SMCHD1: variants seen among roughly 807,000 people sequenced by gnomAD.
The protein encoded by SMCHD1 is structural maintenance of chromosomes flexible hinge domain-containing protein 1.
A neutral mutation model predicts 254.7 loss-of-function variants in SMCHD1; 78 were observed. The observed-to-expected ratio is 0.31, with a 90% CI of 0.26 to 0.37. The LOEUF (loss-of-function observed/expected upper bound fraction) is 0.37. SMCHD1 is among the 10% of genes least tolerant of loss of function. SMCHD1 has a pLI of 1.00. For synonymous variants in SMCHD1, 766 were observed against 794.9 expected, an observed-to-expected ratio of 0.96 and a Z score of 0.61; for missense variants, 1,840 against 2,408.1, an observed-to-expected ratio of 0.76 and a Z score of 4.94.
chr18:2,761,981 G>T, intron 35 of SMCHD1, 124 bp from the exon 36 acceptor site: 2 of 767,672 alleles, frequency 2.6e-6, no homozygotes, highest in Non-Finnish European at 4.0e-6. Flanking sequence ...AAGATTAATG[G>T]AAATAAATTT....
intron 22 of SMCHD1, chr18:2,726,839 T>C (rs2143441389): frequency 6.4e-6 from 1 of 157,016 alleles, no homozygotes; most frequent in South Asian, 2.0e-4. Context: ...TTGATAAAAC[T>C]GTTTCATATT....
At chr18:2,683,631 C>T (rs570063464) in intron 5 of SMCHD1, among the ~76,000 whole-genome samples, 4 of 152,114 alleles carry the variant, frequency 2.6e-5, no homozygotes, top group Non-Finnish European at 4.4e-5. Context: ...CAGTTAGATT[C>T]TACTGGTTGA....
intron 36 of SMCHD1, among the ~76,000 whole-genome samples, chr18:2,762,478 C>A (rs1166126453): frequency 5.4e-5 from 8 of 148,192 alleles, no homozygotes; most frequent in Non-Finnish European, 1.0e-4. Flanking sequence ...ATGCAGAAAT[C>A]TCAATCTGCC....
chr18:2,757,377 AT>A (rs201457405), intron 34 of SMCHD1, among the ~76,000 whole-genome samples: 10 of 148,476 alleles, frequency 6.7e-5, no homozygotes, highest in Admixed American at 2.7e-4. Flanking sequence ...CACCCAGCTA[AT>A]TTTTTTTTTT....
chr18:2,758,930 T>C (rs1404164690), intron 34 of SMCHD1, among the ~76,000 whole-genome samples: 2 of 152,186 alleles, frequency 1.3e-5, no homozygotes, highest in African/African-American at 4.8e-5. Flanking sequence ...GCCATTCTTT[T>C]ACCTCTCTTC....
In SMCHD1 at chr18:2,718,794, C is replaced by T. The variant is rs888415504; in HGVS notation, c.2458+360C>T. On this transcript the variant is annotated intron_variant, in intron 19 of 47. Transcript: ENST00000320876. This position sits in a 1 kb window ranked among gnomAD's most constrained non-coding sequence, Gnocchi z 4.6. ...TCTCGATCTCATAACTTCTGATGATCTACCTGCCTCAGCCTCCCAAAGTGC... is the reference window on the plus strand; with the variant it reads ...TCTCGATCTCATAACTTCTGATGATTTACCTGCCTCAGCCTCCCAAAGTGC... Among the ~76,000 whole-genome samples the T allele has an allele frequency of 6.6e-6, 1 of 152,098 alleles. No individual in the cohort carries two copies. Among genetic ancestry groups the T allele is most frequent in the East Asian group, 1.9e-4 (1 of 5,190 alleles).
chr18:2,666,544 C>T (rs1211584032), intron 2 of SMCHD1, among the ~76,000 whole-genome samples: 1 of 152,104 alleles, frequency 6.6e-6, no homozygotes, highest in Non-Finnish European at 1.5e-5. Context: ...ATTAGTTTTC[C>T]AAGACCTGCT....
chr18:2,701,307 C>T (rs1475928595), intron 12 of SMCHD1: 4 of 155,282 alleles, frequency 2.6e-5, no homozygotes, highest in Middle Eastern at 3.3e-3. Context: ...ACTACAGGTG[C>T]GTGCCACCAC....
intron 17 of SMCHD1, among the ~76,000 whole-genome samples, chr18:2,712,519 A>G (rs1568210260): frequency 2.0e-5 from 3 of 152,086 alleles, no homozygotes. Context: ...GGGATTTGAA[A>G]CCCACATAAA....
intron 5 of SMCHD1, among the ~76,000 whole-genome samples, chr18:2,675,655 T>C (rs897748771): frequency 2.0e-5 from 3 of 152,150 alleles, no homozygotes; most frequent in Non-Finnish European, 4.4e-5. Context: ...CAAAGACCAC[T>C]GTCTTTGATA....
At chr18:2,724,344 T>G (rs1001387380) in intron 20 of SMCHD1, among the ~76,000 whole-genome samples, 6 of 152,018 alleles carry the variant, frequency 3.9e-5, no homozygotes, top group African/African-American at 9.7e-5. Flanking sequence ...AAATTAGCTT[T>G]GGAATCAGCT....
intron 22 of SMCHD1, 131 bp downstream of exon 22, chr18:2,726,655 A>G (rs765360648): frequency 2.6e-6 from 1 of 384,518 alleles, no homozygotes; most frequent in Non-Finnish European, 4.6e-6. Context: ...ATGTCAAACC[A>G]TAGCACTGAC....
rs944154303 is a variant in SMCHD1, at chr18:2,796,781, C to CT, written c.5993+261dup. On this transcript the variant is annotated intron_variant, in intron 47 of 47. Transcript: ENST00000320876. ...ATTTTTTTGTAGAGATGGGGTTTCA[C>CT]TGTGTTGGCCAGGCTAATCTCAAAC... 9.0e-5 allele frequency: 33 copies of CT among 368,466 alleles called. 1 individual carries two copies. The Middle Eastern group carries it at 3.1e-3, about 35-fold the overall frequency. 22.8% of individuals were successfully genotyped at this position (368,466 alleles called of 1,614,324 possible).
intron 41 of SMCHD1, among the ~76,000 whole-genome samples, chr18:2,772,889 GGTT>G (rs1282284622): frequency 5.3e-5 from 8 of 152,226 alleles, no homozygotes; most frequent in Non-Finnish European, 1.0e-4. Flanking sequence ...TGGAGTCTTT[GGTT>G]ATTGCCTTTG....
intron 17 of SMCHD1, among the ~76,000 whole-genome samples, chr18:2,711,349 C>T (rs1431333841): frequency 1.3e-5 from 2 of 151,826 alleles, no homozygotes; most frequent in African/African-American, 4.8e-5. Flanking sequence ...CCTCTTGCCT[C>T]AGTCTCCCAA....
intron 12 of SMCHD1, 186 bp downstream of exon 12, chr18:2,701,104 A>C (rs2074389368): frequency 4.4e-6 from 2 of 453,474 alleles, no homozygotes; most frequent in African/African-American, 2.0e-5. Flanking sequence ...AGTAATGACT[A>C]AACCTACCTA....
At chr18:2,778,341 T>C in intron 44 of SMCHD1, 102 bp downstream of exon 44, 2 of 770,838 alleles carry the variant, frequency 2.6e-6, no homozygotes, top group Non-Finnish European at 2.0e-6. Context: ...TCAAAACCAA[T>C]TTAAATTCTG....
At chr18:2,770,423 A>G (rs188174901) in intron 39 of SMCHD1, among the ~76,000 whole-genome samples, 1 of 152,212 alleles carries the variant, frequency 6.6e-6, no homozygotes, top group Non-Finnish European at 1.5e-5. Flanking sequence ...AAGATACTGG[A>G]TAATAATATC....
chr18:2,723,878 A>G (rs558877539), intron 20 of SMCHD1, among the ~76,000 whole-genome samples: 4 of 152,042 alleles, frequency 2.6e-5, no homozygotes, highest in Non-Finnish European at 5.9e-5. Flanking sequence ...ACTCGATGGT[A>G]GAGATTGGTT....
Sources: gnomAD v4.1 joint callset for allele counts (sites outside exome capture counted in the v4.1 genomes callset) on GRCh38, gnomAD v4.1.1 for gene constraint, Gnocchi (gnomAD v3.1) non-coding constraint, MANE v1.5 for transcripts, NCBI Gene and HGNC (gene_info 2026-07-23, HGNC 2026-07-21) for gene names.